Variants in GABRB3 observed in about 807,000 individuals in gnomAD.
GABRB3 encodes the protein gamma-aminobutyric acid receptor subunit beta-3.
In GABRB3, 14 loss-of-function variants were observed where a neutral mutation model predicts 52.1. The ratio of observed to expected loss-of-function variants is 0.27; its 90% CI spans 0.18 to 0.42. The LOEUF (loss-of-function observed/expected upper bound fraction) is 0.42, where lower values mean the gene tolerates loss of function less well. Among genes scored for constraint, GABRB3 ranks in the 10% least tolerant of loss-of-function variants. The probability of loss-of-function intolerance (pLI) is 1.00; values close to 1 mark genes in which losing one functional copy is unlikely to be tolerated. For missense variants in GABRB3, 307 were observed against 609.1 expected, an observed-to-expected ratio of 0.50 and a Z score of 5.22; for synonymous variants, 260 against 232.3, an observed-to-expected ratio of 1.12 and a Z score of -1.08.
At chr15:26,580,522 C>A in intron 5 of GABRB3, 66 bp from the exon 6 acceptor site, 1 of 1,599,478 alleles carries the variant, frequency 6.3e-7, no homozygotes, top group African/African-American at 1.3e-5. Context: ...GCTAAATAAA[C>A]TATCATTAAC....
At chr15:26,578,092 TC>T (rs1890657787) in intron 6 of GABRB3, among the ~76,000 whole-genome samples, 1 of 152,168 alleles carries the variant, frequency 6.6e-6, no homozygotes, top group African/African-American at 2.4e-5. Context: ...CAGCCTCTAA[TC>T]CCCTTTTTCG....
At chr15:26,720,458 T>C (rs1030983430) in intron 3 of GABRB3, among the ~76,000 whole-genome samples, 3 of 152,150 alleles carry the variant, frequency 2.0e-5, no homozygotes, top group Non-Finnish European at 4.4e-5. Flanking sequence ...GTGATGAAGA[T>C]TCAAAGGTGC....
chr15:26,638,793 T>G (rs1893120638), intron 3 of GABRB3, among the ~76,000 whole-genome samples: 1 of 152,200 alleles, frequency 6.6e-6, no homozygotes, highest in South Asian at 2.1e-4. Flanking sequence ...TTTAAACCTT[T>G]CAACTTCACT....
chr15:26,759,588 A>C (rs1156549623), intron 3 of GABRB3, among the ~76,000 whole-genome samples: 1 of 152,190 alleles, frequency 6.6e-6, no homozygotes, highest in African/African-American at 2.4e-5. Flanking sequence ...AGATGCCATA[A>C]TTGACATCCA....
intron 3 of GABRB3, among the ~76,000 whole-genome samples, chr15:26,730,349 C>A (rs564482724): frequency 7.2e-6 from 1 of 138,948 alleles, no homozygotes; most frequent in Non-Finnish European, 1.5e-5. Flanking sequence ...ACCCGGGAGG[C>A]GGAGCTTGCA....
chr15:26,673,736 C>A (rs1055318429), intron 3 of GABRB3, among the ~76,000 whole-genome samples: 1 of 152,156 alleles, frequency 6.6e-6, no homozygotes, highest in African/African-American at 2.4e-5. Context: ...CCACTCTTCA[C>A]GGCAGATGCC....
intron 3 of GABRB3, among the ~76,000 whole-genome samples, chr15:26,744,614 C>T (rs1434857468): frequency 2.0e-5 from 3 of 151,936 alleles, no homozygotes; most frequent in African/African-American, 7.3e-5. Context: ...TTAGTAGAGA[C>T]GAGGTTTCAC....
intron 4 of GABRB3, among the ~76,000 whole-genome samples, chr15:26,592,519 C>G (rs1303941574): frequency 3.3e-5 from 5 of 152,126 alleles, no homozygotes; most frequent in African/African-American, 1.2e-4. Context: ...GATATGGCCT[C>G]TTTTCAAGAA....
At chr15:26,614,404 G>A (rs1892183532) in intron 4 of GABRB3, 1 of 152,132 alleles carries the variant, frequency 6.6e-6, no homozygotes, top group Non-Finnish European at 1.5e-5. Context: ...CCAGCTTTGA[G>A]AGATGAAGAA....
Position 26,591,497 on chromosome 15 carries a change from C to T in GABRB3, c.462-8083G>A, listed in dbSNP as rs575365761. 5.3e-5 allele frequency among the ~76,000 whole-genome samples: 8 copies of T among 152,250 alleles called. No individual in the cohort carries two copies. The East Asian group carries it at 1.4e-3, about 26-fold the overall frequency. On this transcript the variant is annotated intron_variant, in intron 4 of 8. Transcript: ENST00000311550. Reference sequence around the variant, plus strand: ...AAATGAGACAGGCCCAATGTACCTCCTCTTGATTTTCAAAGAATTTGGCAA... The same window carrying T: ...AAATGAGACAGGCCCAATGTACCTCTTCTTGATTTTCAAAGAATTTGGCAA...
chr15:26,572,611 T>C (rs1174512150), intron 6 of GABRB3, among the ~76,000 whole-genome samples: 1 of 152,208 alleles, frequency 6.6e-6, no homozygotes, highest in Non-Finnish European at 1.5e-5. Context: ...TGGAATGCCA[T>C]GAAATATGCG....
chr15:26,720,584 C>A (rs370371480), intron 3 of GABRB3, among the ~76,000 whole-genome samples: 42 of 152,268 alleles, frequency 2.8e-4, no homozygotes, highest in African/African-American at 1.0e-3. Flanking sequence ...CTCTCCCCAC[C>A]AAAAGGAATT....
chr15:26,590,453 A>C (rs1364137623), intron 4 of GABRB3, among the ~76,000 whole-genome samples: 4 of 152,158 alleles, frequency 2.6e-5, no homozygotes, highest in Non-Finnish European at 5.9e-5. Context: ...TCTCATCTTC[A>C]TTCATCGTTC....
Position 26,621,165 on chromosome 15 carries a change from AT to A in GABRB3, c.461+148del. The A allele has an allele frequency of 1.7e-5, 12 of 698,828 alleles. No homozygotes were observed. The highest frequency in any genetic ancestry group is 3.3e-5 in the South Asian group (2 of 60,848). The allele number at this position is 698,828 out of a possible 1,614,324, so 43.3% of individuals were successfully genotyped here. On this transcript the variant is annotated intron_variant, in intron 4 of 8. Transcript: ENST00000311550. This position sits in a 1 kb window ranked among gnomAD's most constrained non-coding sequence, Gnocchi z 4.1. ...ATGCCCCAAATTTTATGGTTATGAG[AT>A]TTTTTTTTCTGCAAAGCTTTAGTGC... is the stretch of plus-strand genomic sequence containing the variant.
At chr15:26,656,700 G>C (rs1219646422) in intron 3 of GABRB3, among the ~76,000 whole-genome samples, 1 of 152,166 alleles carries the variant, frequency 6.6e-6, no homozygotes, top group Admixed American at 6.5e-5. Flanking sequence ...CTCCTTATGA[G>C]AGTCGAATGC....
intron 3 of GABRB3, among the ~76,000 whole-genome samples, chr15:26,752,095 C>T (rs1890526582): frequency 6.6e-6 from 1 of 152,144 alleles, no homozygotes; most frequent in Non-Finnish European, 1.5e-5. Context: ...CTCATGCACA[C>T]CTTCTTTCTG....
At chr15:26,610,055 A>G (rs930011731) in intron 4 of GABRB3, among the ~76,000 whole-genome samples, 1 of 152,168 alleles carries the variant, frequency 6.6e-6, no homozygotes, top group Non-Finnish European at 1.5e-5. Flanking sequence ...CATCTGGACA[A>G]TGAGAGGCCA....
chr15:26,549,207 G>A (rs533893070), intron 8 of GABRB3, among the ~76,000 whole-genome samples: 25 of 152,266 alleles, frequency 1.6e-4, no homozygotes, highest in African/African-American at 4.8e-4. Flanking sequence ...GTGTCTTCCC[G>A]CCTTCTGCAT....
At chr15:26,670,414 G>A (rs940593658) in intron 3 of GABRB3, among the ~76,000 whole-genome samples, 2 of 152,164 alleles carry the variant, frequency 1.3e-5, no homozygotes, top group Non-Finnish European at 2.9e-5. Context: ...CAGCAGGGTC[G>A]TGGCTGGCTG....
Sources: allele counts gnomAD v4.1 joint callset (sites outside exome capture counted in the v4.1 genomes callset), GRCh38; gene constraint gnomAD v4.1.1; non-coding constraint Gnocchi (gnomAD v3.1); transcripts MANE v1.5; gene names NCBI Gene and HGNC (gene_info 2026-07-23, HGNC 2026-07-21).